TMEM272: variants seen among roughly 807,000 people sequenced by gnomAD.
The protein encoded by TMEM272 is long intergenic non-protein coding RNA 282.
Under a neutral mutation model 3.7 loss-of-function variants are expected in TMEM272, and 8 were observed. The observed-to-expected ratio is 2.17, with a 90% confidence interval of 1.27 to 3.91. TMEM272 has a LOEUF of 3.91. Ranked by LOEUF, TMEM272 falls within the 30% of genes most tolerant of loss-of-function variation. TMEM272 has a pLI of 0.00. For missense variants in TMEM272, 166 were observed against 91.5 expected (o/e 1.81, Z -3.32); for synonymous variants, 63 against 39.8 (o/e 1.58, Z -2.20).
chr13:51,839,261 A>T (rs554676277), intron 1 of TMEM272, among the ~76,000 whole-genome samples: 1 of 152,292 alleles, frequency 6.6e-6, no homozygotes, highest in Non-Finnish European at 1.5e-5. Flanking sequence ...AGCCATATAC[A>T]TTTTAAATCC....
the TMEM272 span, among the ~76,000 whole-genome samples, chr13:51,852,595 C>T: frequency 6.6e-5 from 10 of 152,078 alleles, no homozygotes; most frequent in Non-Finnish European, 1.2e-4. Context: ...ACAGTTGACC[C>T]GCGGCCGGGC....
chr13:51,840,423 T>G lies in TMEM272; in HGVS notation c.-23-1870A>C, dbSNP rs1593599957. Among the ~76,000 whole-genome samples the G allele has an allele frequency of 2.0e-5, 3 of 152,338 alleles. 1 individual carries two copies. The highest frequency in any genetic ancestry group is 2.0e-4 in the Admixed American group (3 of 15,308). ...ACTTGCCCAAGATCACACAGCCAGA[T>G]TGGAATCCAGGTGTCTTAAAATCTG... On this transcript the variant is annotated intron_variant, in intron 1 of 4. Transcript: ENST00000629372.
At chr13:51,909,162 T>G in the TMEM272 span, 2 of 1,413,284 alleles carry the variant, frequency 1.4e-6, no homozygotes, top group Non-Finnish European at 2.0e-6. Context: ...AAACTCTGTT[T>G]CAGCTAATTT....
At chr13:51,893,457 C>G in the TMEM272 span, among the ~76,000 whole-genome samples, 1 of 152,198 alleles carries the variant, frequency 6.6e-6, no homozygotes, top group African/African-American at 2.4e-5. Context: ...TTTAGCTTCA[C>G]CAGGACCTGC....
the TMEM272 span, among the ~76,000 whole-genome samples, chr13:51,863,999 T>C: frequency 0.013 from 2,003 of 152,306 alleles, 48 homozygotes; most frequent in African/African-American, 0.046. Flanking sequence ...TGTTTGTAGT[T>C]ACAGGGATTG....
the TMEM272 span, among the ~76,000 whole-genome samples, chr13:51,910,927 A>G: frequency 1.2e-4 from 18 of 152,368 alleles, no homozygotes; most frequent in East Asian, 3.5e-3. Flanking sequence ...AGCTATGCCC[A>G]TCCCCAAGCT....
chr13:51,863,993 T>C, the TMEM272 span, among the ~76,000 whole-genome samples: 1 of 152,210 alleles, frequency 6.6e-6, no homozygotes, highest in African/African-American at 2.4e-5. Flanking sequence ...GATTCATGTT[T>C]GTAGTTACAG....
the TMEM272 span, among the ~76,000 whole-genome samples, chr13:51,926,089 G>GGTGT: frequency 1.3e-5 from 2 of 151,642 alleles, no homozygotes; most frequent in African/African-American, 4.9e-5. Flanking sequence ...ATGAGTGTGT[G>GGTGT]GTATGTGGTG....
chr13:51,820,463 A>G (rs1466215660), intron 4 of TMEM272, among the ~76,000 whole-genome samples: 2 of 152,220 alleles, frequency 1.3e-5, no homozygotes, highest in South Asian at 2.1e-4. Flanking sequence ...TTTGGCTTCA[A>G]ACGGTTTTAG....
intron 2 of TMEM272, among the ~76,000 whole-genome samples, chr13:51,828,495 G>A (rs554082579): frequency 6.6e-6 from 1 of 152,214 alleles, no homozygotes; most frequent in South Asian, 2.1e-4. Context: ...TCACCTCCAG[G>A]AAATGTTGAT....
the TMEM272 span, chr13:51,932,777 TA>T: frequency 6.6e-6 from 1 of 152,240 alleles, no homozygotes; most frequent in Non-Finnish European, 1.5e-5. Flanking sequence ...TCTAAAAGGT[TA>T]TTTTCTATAA....
At chr13:51,821,999 G>T (rs756338794) in intron 4 of TMEM272, 56 bp downstream of exon 4, 119 of 702,130 alleles carry the variant, frequency 1.7e-4, no homozygotes, top group Non-Finnish European at 2.8e-4. Context: ...TGCATTACAG[G>T]ATGCCTGTGA....
At chr13:51,896,031 C>T in the TMEM272 span, among the ~76,000 whole-genome samples, 1 of 152,210 alleles carries the variant, frequency 6.6e-6, no homozygotes, top group African/African-American at 2.4e-5. Flanking sequence ...GTGGACAATG[C>T]CTGCTTTCAA....
At chr13:51,836,570 G>A (rs550008092) in intron 2 of TMEM272, among the ~76,000 whole-genome samples, 35 of 152,280 alleles carry the variant, frequency 2.3e-4, no homozygotes, top group African/African-American at 7.7e-4. Context: ...TACTGCATAG[G>A]TGACGGCCAC....
chr13:51,902,554 C>T, the TMEM272 span, among the ~76,000 whole-genome samples: 2 of 152,212 alleles, frequency 1.3e-5, no homozygotes, highest in East Asian at 3.8e-4. Context: ...AGAAGCTGAA[C>T]TTGGGAGAGT....
the TMEM272 span, among the ~76,000 whole-genome samples, chr13:51,871,785 T>TACACACACACAC: frequency 1.1e-4 from 14 of 129,678 alleles, 1 homozygote; most frequent in African/African-American, 3.9e-4. Flanking sequence ...AATCTCCCCC[T>TACACACACACAC]ACACACACAC....
intron 2 of TMEM272, among the ~76,000 whole-genome samples, chr13:51,828,072 A>G (rs1593593662): frequency 6.6e-6 from 1 of 152,178 alleles, no homozygotes; most frequent in African/African-American, 2.4e-5. Flanking sequence ...GAGGCAAGAG[A>G]AGAGGTAAAA....
chr13:51,838,613 A>G, intron 1 of TMEM272, 60 bp from the exon 2 acceptor site: 1 of 702,750 alleles, frequency 1.4e-6, no homozygotes, highest in South Asian at 1.5e-5. Flanking sequence ...AGCACCAATA[A>G]CCAACCCTCT....
chr13:51,910,764 G>A, the TMEM272 span: 1 of 356,924 alleles, frequency 2.8e-6, no homozygotes, highest in South Asian at 2.4e-5. Flanking sequence ...TCAGCTGCGG[G>A]GGAATCTGGA....
Sources: gnomAD v4.1 joint callset for allele counts (sites outside exome capture counted in the v4.1 genomes callset) on GRCh38, gnomAD v4.1.1 for gene constraint, MANE v1.5 for transcripts, NCBI Gene and HGNC (gene_info 2026-07-23, HGNC 2026-07-21) for gene names.